Variants in SUZ12 observed in about 807,000 individuals in gnomAD.
The protein encoded by SUZ12 is SUZ12 polycomb repressive complex 2 subunit.
In SUZ12, 17 loss-of-function variants were observed where a neutral mutation model predicts 87.3. The ratio of observed to expected loss-of-function variants is 0.19; its 90% CI spans 0.13 to 0.29. The LOEUF (loss-of-function observed/expected upper bound fraction) is 0.29, where lower values mean the gene tolerates loss of function less well. SUZ12 is among the 10% of genes least tolerant of loss of function. The pLI, the probability that SUZ12 is intolerant of heterozygous loss-of-function variation, is 1.00. For missense variants in SUZ12, 526 were observed against 912.2 expected, an observed-to-expected ratio of 0.58 and a Z score of 5.45; for synonymous variants, 253 against 312.4, an observed-to-expected ratio of 0.81 and a Z score of 2.01.
rs1172789207 is a variant in SUZ12 at position 31,937,199 on chromosome 17, C to T, written c.-48C>T. ...GTTGGTATTGCAGGCGCTTGCTCTC[C>T]GGGGCCGCCCGGCGGGTAGCTGGCG... On this transcript the variant is annotated 5_prime_UTR_variant, in exon 1 of 16. Coordinates refer to ENST00000322652, the MANE Select transcript of SUZ12 (RefSeq NM_015355.4). The T allele has an allele frequency of 7.2e-7, 1 of 1,390,878 alleles. No individual in the cohort carries two copies. The highest frequency in any genetic ancestry group is 9.2e-7 in the Non-Finnish European group (1 of 1,082,590). 86.2% of individuals were successfully genotyped at this position (1,390,878 alleles called of 1,614,324 possible). A position where few individuals can be genotyped will look rare whatever the true frequency, so the allele number is the denominator to read the frequency against.
Position 31,996,867 on chromosome 17 carries a change from A to T in SUZ12, c.1864A>T (p.Met622Leu). The T allele has an allele frequency of 3.3e-6, 5 of 1,531,900 alleles. No individual in the cohort carries two copies. Among genetic ancestry groups the T allele is most frequent in the East Asian group, 2.4e-5 (1 of 40,840 alleles). The allele number at this position is 1,531,900 out of a possible 1,614,324, so 94.9% of individuals were successfully genotyped here. A position where few individuals can be genotyped will look rare whatever the true frequency, so the allele number is the denominator to read the frequency against. ...EVMKLWNLHV[M>L]KHGFIADNQM... Reference sequence around the variant, plus strand: ...GATGAAACTCTGGAATCTCCATGTCATGAAGCATGGGTAGGGTATTTCTAA... The same window carrying T: ...GATGAAACTCTGGAATCTCCATGTCTTGAAGCATGGGTAGGGTATTTCTAA... Residue 622 changes from methionine to leucine, a missense_variant, in exon 15 of 16, where the codon ATG becomes TTG. Met to Leu is a conservative substitution (Grantham distance 15). Around this residue, in one of 9 missense-constraint regions of SUZ12, gnomAD observed 143 missense variants for 321.6 expected, o/e 0.44. Transcript: ENST00000322652.
At chr17:31,958,507 C>A (rs1259344063) in intron 4 of SUZ12, among the ~76,000 whole-genome samples, 3 of 150,718 alleles carry the variant, frequency 2.0e-5, no homozygotes, top group African/African-American at 7.3e-5. Flanking sequence ...GTGAAGAGTT[C>A]AAGAGCAGCT....
chr17:31,988,179 G>A (rs1026962634), intron 9 of SUZ12, 141 bp from the exon 10 acceptor site: 40 of 750,360 alleles, frequency 5.3e-5, no homozygotes, highest in Non-Finnish European at 6.9e-5. Context: ...TTGCCTAGCC[G>A]TCTCAGTCAG....
chr17:31,961,028 A>G (rs140577381), intron 4 of SUZ12, among the ~76,000 whole-genome samples: 1 of 151,670 alleles, frequency 6.6e-6, no homozygotes, highest in East Asian at 2.0e-4. Context: ...CCTGGGCAAT[A>G]TGACGAAACC....
chr17:31,957,895 C>CT (rs1181314058), intron 4 of SUZ12, among the ~76,000 whole-genome samples: 2,235 of 91,316 alleles, frequency 0.024, 316 homozygotes, highest in East Asian at 0.07. Context: ...ACCTTTTGTC[C>CT]TTTTTTTTTT....
intron 3 of SUZ12, among the ~76,000 whole-genome samples, chr17:31,942,552 G>A (rs1906365444): frequency 6.6e-6 from 1 of 151,658 alleles, no homozygotes; most frequent in African/African-American, 2.4e-5. Flanking sequence ...GGCCTGGCTG[G>A]TCTTGAACTC....
intron 4 of SUZ12, chr17:31,963,851 C>G (rs1421602588): frequency 6.6e-6 from 1 of 152,236 alleles, no homozygotes; most frequent in East Asian, 1.9e-4. Flanking sequence ...TATATTTTTG[C>G]TTTCTCCCAT....
intron 1 of SUZ12, 26 bp downstream of exon 1, chr17:31,937,546 C>T (rs762179316): frequency 4.6e-6 from 7 of 1,531,316 alleles, no homozygotes; most frequent in Admixed American, 2.0e-5. Context: ...GCTTTGAGGG[C>T]AGGAAGACCC....
At chr17:31,944,742 GC>G (rs1271033123) in intron 3 of SUZ12, among the ~76,000 whole-genome samples, 3 of 152,110 alleles carry the variant, frequency 2.0e-5, no homozygotes, top group Admixed American at 2.0e-4. Flanking sequence ...TAGGAGGATT[GC>G]TTGTGTAACA....
intron 4 of SUZ12, among the ~76,000 whole-genome samples, chr17:31,955,200 T>A (rs1391880774): frequency 6.6e-6 from 1 of 152,080 alleles, no homozygotes; most frequent in Non-Finnish European, 1.5e-5. Flanking sequence ...ACTCCTGGGC[T>A]CAAGTAACCC....
At chr17:31,940,827 A>G (rs963496102) in intron 3 of SUZ12, among the ~76,000 whole-genome samples, 4 of 151,964 alleles carry the variant, frequency 2.6e-5, no homozygotes, top group African/African-American at 9.7e-5. Flanking sequence ...AGTTTGGCCA[A>G]CATGGGAAAA....
At chr17:31,952,834 A>G (rs904608658) in intron 4 of SUZ12, among the ~76,000 whole-genome samples, 4 of 152,172 alleles carry the variant, frequency 2.6e-5, no homozygotes, top group African/African-American at 9.7e-5. Context: ...AAGTGCTGGG[A>G]TTACAGGCGT....
chr17:31,991,321 T>A (rs900490324), intron 10 of SUZ12, among the ~76,000 whole-genome samples: 3 of 150,668 alleles, frequency 2.0e-5, no homozygotes, highest in Non-Finnish European at 4.4e-5. Context: ...AAGACCAGCC[T>A]GGGCAACATA....
At chr17:31,958,048 G>A (rs1394504974) in intron 4 of SUZ12, among the ~76,000 whole-genome samples, 8 of 151,598 alleles carry the variant, frequency 5.3e-5, no homozygotes, top group African/African-American at 1.2e-4. Flanking sequence ...GACTACAGGC[G>A]CCTGCCATCA....
rs918684845 is a variant in SUZ12 at position 31,998,599 on chromosome 17, C to T, written c.1875-59C>T. 2.5e-6 allele frequency: 3 copies of T among 1,221,458 alleles called. No individual in the cohort carries two copies. In the African/African-American group the frequency reaches 4.6e-5, roughly 19 times the overall value. The allele number at this position is 1,221,458 out of a possible 1,614,324, so 75.7% of individuals were successfully genotyped here. ...TATAGTCTTATTATAATGGTTATCA[C>T]TGTTGCATTTGACAAAAATGCTTTG... On this transcript the variant is annotated intron_variant, in intron 15 of 15. Transcript: ENST00000322652.
intron 4 of SUZ12, among the ~76,000 whole-genome samples, chr17:31,962,706 A>T (rs1217011829): frequency 2.6e-5 from 4 of 152,342 alleles, no homozygotes; most frequent in African/African-American, 9.6e-5. Flanking sequence ...GGATTTTCTG[A>T]CTCTATAAAT....
At chr17:31,979,654 T>C (rs1908980144) in intron 8 of SUZ12, among the ~76,000 whole-genome samples, 1 of 152,240 alleles carries the variant, frequency 6.6e-6, no homozygotes, top group African/African-American at 2.4e-5. Flanking sequence ...ATGTGTTCTT[T>C]ACGTACTACA....
At chr17:31,937,676 A>AG (rs1906023686) in intron 1 of SUZ12, among the ~76,000 whole-genome samples, 156 bp downstream of exon 1, 1 of 138,364 alleles carries the variant, frequency 7.2e-6, no homozygotes, top group Non-Finnish European at 1.5e-5. Context: ...TTACGTCTCC[A>AG]GGGGATCCGG....
chr17:31,993,204 G>A, intron 10 of SUZ12, 38 bp from the exon 11 acceptor site: 4 of 1,387,658 alleles, frequency 2.9e-6, no homozygotes, highest in Non-Finnish European at 2.0e-6. Flanking sequence ...CTTTTCAAAA[G>A]CAATGTTTTT....
Sources: gnomAD v4.1 joint callset for allele counts (sites outside exome capture counted in the v4.1 genomes callset) on GRCh38, gnomAD v4.1.1 for gene constraint, gnomAD v4.1.1 regional missense constraint, MANE v1.5 for transcripts, NCBI Gene and HGNC (gene_info 2026-07-23, HGNC 2026-07-21) for gene names.